Variants in UTP18 observed in about 807,000 individuals in gnomAD.
The protein encoded by UTP18 is UTP18 small subunit processome component.
Under a neutral mutation model 61.1 loss-of-function variants are expected in UTP18, and 36 were observed. The ratio of observed to expected loss-of-function variants is 0.59; its 90% CI spans 0.45 to 0.78. The LOEUF is 0.78. Ranked by LOEUF, UTP18 falls within the 30% of genes least tolerant of loss-of-function variation. The probability of loss-of-function intolerance (pLI) is 0.00; values close to 1 mark genes in which losing one functional copy is unlikely to be tolerated. For missense variants in UTP18, 753 were observed against 693.9 expected (o/e 1.09, Z -0.96); for synonymous variants, 282 against 251.1 (o/e 1.12, Z -1.16).
intron 4 of UTP18, among the ~76,000 whole-genome samples, chr17:51,269,838 ATTGTGT>A (rs1284706998): frequency 4.3e-5 from 5 of 115,210 alleles, no homozygotes; most frequent in Admixed American, 9.2e-5. Context: ...CAAATAATGT[ATTGTGT>A]GTGTGTGTGT....
intron 1 of UTP18, among the ~76,000 whole-genome samples, chr17:51,262,305 C>G (rs1260082390): frequency 1.3e-5 from 2 of 152,058 alleles, no homozygotes; most frequent in African/African-American, 2.4e-5. Flanking sequence ...AGGCTGGTCT[C>G]AAACTCCTGA....
intron 11 of UTP18, among the ~76,000 whole-genome samples, chr17:51,293,589 C>G (rs930397163): frequency 1.3e-5 from 2 of 151,590 alleles, no homozygotes; most frequent in Non-Finnish European, 2.9e-5. Flanking sequence ...CGTTGTGGCC[C>G]AGGGAAGCCA....
chr17:51,262,609 A>G (rs2055518606), intron 1 of UTP18, among the ~76,000 whole-genome samples: 2 of 151,930 alleles, frequency 1.3e-5, no homozygotes, highest in South Asian at 4.2e-4. Context: ...TTCTCCGAAC[A>G]CTTTAAACTC....
chr17:51,280,228 T>C, intron 8 of UTP18, 123 bp downstream of exon 8: 1 of 1,302,888 alleles, frequency 7.7e-7, no homozygotes, highest in South Asian at 1.4e-5. Context: ...AGGTGGGACT[T>C]GGAGAGAAGT....
intron 9 of UTP18, among the ~76,000 whole-genome samples, chr17:51,282,122 A>T (rs1302810642): frequency 1.3e-5 from 2 of 152,212 alleles, no homozygotes; most frequent in African/African-American, 4.8e-5. Context: ...ATCTTAGTAT[A>T]GCTAATGCTG....
At chr17:51,277,705 A>T (rs762996780) in intron 7 of UTP18, among the ~76,000 whole-genome samples, 1 of 152,364 alleles carries the variant, frequency 6.6e-6, no homozygotes, top group Admixed American at 6.5e-5. Context: ...AGTGTTAGTT[A>T]TAATAAAATT....
chr17:51,260,973 C>G, intron 1 of UTP18, 47 bp downstream of exon 1: 1 of 1,415,796 alleles, frequency 7.1e-7, no homozygotes. Context: ...GGGCGGGGCG[C>G]GCGGTGGGCG....
rs192113827 is a variant in UTP18 at position 51,280,623 on chromosome 17, G to A, written c.1204+144G>A. 1.6e-4 allele frequency: 117 copies of A among 710,716 alleles called. 1 individual carries two copies. Among genetic ancestry groups the A allele is most frequent in the African/African-American group, 1.6e-3 (90 of 55,400 alleles). 44.0% of individuals were successfully genotyped at this position (710,716 alleles called of 1,614,324 possible). ...GAGGTCAGCGGGTAAGATCAGCCTG[G>A]CCAACATGGTAAAACTCCGTCTCTA... On this transcript the variant is annotated intron_variant, in intron 9 of 13. Transcript: ENST00000225298.
At chr17:51,280,199 T>G in intron 8 of UTP18, 94 bp downstream of exon 8, 1 of 1,387,332 alleles carries the variant, frequency 7.2e-7, no homozygotes, top group East Asian at 2.4e-5. Flanking sequence ...TAAATCTGCA[T>G]CTCCAAGTAG....
intron 11 of UTP18, among the ~76,000 whole-genome samples, chr17:51,291,242 C>A (rs974292149): frequency 6.6e-6 from 1 of 151,880 alleles, no homozygotes; most frequent in Non-Finnish European, 1.5e-5. Flanking sequence ...TTCAATTATA[C>A]CTTTTAAAAT....
At chr17:51,283,197 CTTG>C (rs928278645) in intron 9 of UTP18, among the ~76,000 whole-genome samples, 4 of 146,212 alleles carry the variant, frequency 2.7e-5, no homozygotes, top group South Asian at 2.2e-4. Flanking sequence ...CAGACTGAGT[CTTG>C]TTGTGTTGCC....
At chr17:51,265,589 A>C (rs2055552920) in intron 2 of UTP18, among the ~76,000 whole-genome samples, 1 of 90,430 alleles carries the variant, frequency 1.1e-5, no homozygotes, top group Non-Finnish European at 2.0e-5. Flanking sequence ...TTTTTGAGAC[A>C]GTCTCACTCT....
chr17:51,269,574 G>A (rs1467931069), intron 4 of UTP18, among the ~76,000 whole-genome samples: 3 of 152,064 alleles, frequency 2.0e-5, no homozygotes, highest in African/African-American at 4.8e-5. Flanking sequence ...TAGAGCTTCA[G>A]TTTGATTATG....
At chr17:51,265,474 GC>G (rs2055551165) in intron 2 of UTP18, among the ~76,000 whole-genome samples, 2 of 151,064 alleles carry the variant, frequency 1.3e-5, no homozygotes, top group South Asian at 4.2e-4. Context: ...CGTTGGCCAG[GC>G]TGGTCTCGAG....
In UTP18 at chr17:51,288,090, A is replaced by G. The variant is rs1301275242; in HGVS notation, c.1390A>G (p.Lys464Glu). 1 of 1,610,224 alleles carries G rather than the reference A, an allele frequency of 6.2e-7. No individual in the cohort carries two copies. The highest frequency in any genetic ancestry group is 1.1e-5 in the South Asian group (1 of 89,830). Reference protein sequence around the residue: ...QDSCLQETNPKPIKAIMNLVT... With the variant: ...QDSCLQETNPEPIKAIMNLVT... ...TTCTTGTCTCCAAGAAACAAACCCA[A>G]AGCCAATAAAAGCTATAATGAACTT... is the stretch of plus-strand genomic sequence containing the variant. Residue 464 changes from lysine (K) to glutamate (E), a missense_variant, in exon 11 of 14, where the codon AAG (lysine) becomes GAG (glutamate). Lys to Glu is a moderately conservative substitution (Grantham distance 56). Transcript: ENST00000225298.
chr17:51,277,307 A>G lies in UTP18; in HGVS notation c.1012+3A>G. On this transcript the variant is annotated splice_donor_region_variant and intron_variant, in intron 7 of 13. Transcript: ENST00000225298. Reference sequence around the variant, plus strand: ...AATTCCTGTGCATCAAGTGAGAGGTAAGATTTCTGTTGAATGCACACAACC... The same window carrying G: ...AATTCCTGTGCATCAAGTGAGAGGTGAGATTTCTGTTGAATGCACACAACC... The G allele has an allele frequency of 6.2e-7, 1 of 1,613,716 alleles. No individual in the cohort carries two copies. Among genetic ancestry groups the G allele is most frequent in the Non-Finnish European group, 8.5e-7 (1 of 1,179,758 alleles).
chr17:51,262,757 G>T (rs1442419247), intron 1 of UTP18, among the ~76,000 whole-genome samples: 2 of 152,054 alleles, frequency 1.3e-5, no homozygotes, highest in Non-Finnish European at 2.9e-5. Flanking sequence ...TCCCTATGTT[G>T]CCCAGGCTGG....
chr17:51,282,867 C>CTTTTTTTTTTTTTTTT (rs534175274), intron 9 of UTP18, among the ~76,000 whole-genome samples: 2 of 120,694 alleles, frequency 1.7e-5, no homozygotes, highest in Non-Finnish European at 1.7e-5. Context: ...TCTTCTTCTT[C>CTTTTTTTTTTTTTTTT]TTTTTTTTTT....
At chr17:51,264,743 C>T (rs1373446400) in intron 2 of UTP18, among the ~76,000 whole-genome samples, 3 of 148,596 alleles carry the variant, frequency 2.0e-5, no homozygotes, top group East Asian at 3.9e-4. Flanking sequence ...AGTTCAGTGG[C>T]GCGATCTTGG....
Sources: gnomAD v4.1 joint callset for allele counts (sites outside exome capture counted in the v4.1 genomes callset) on GRCh38, gnomAD v4.1.1 for gene constraint, MANE v1.5 for transcripts, NCBI Gene and HGNC (gene_info 2026-07-23, HGNC 2026-07-21) for gene names.